KLF12: variants seen among roughly 807,000 people sequenced by gnomAD.
KLF12 encodes Krueppel-like factor 12.
KLF12 carries 9 observed loss-of-function variants against 37.8 expected under a neutral mutation model. The ratio of observed to expected loss-of-function variants is 0.24; its 90% confidence interval spans 0.14 to 0.42. KLF12 has a LOEUF of 0.42. Ranked by LOEUF, KLF12 falls within the 10% of genes least tolerant of loss-of-function variation. The probability of loss-of-function intolerance (pLI) is 1.00; values close to 1 mark genes in which losing one functional copy is unlikely to be tolerated. For synonymous variants in KLF12, 208 were observed against 202.1 expected, an observed-to-expected ratio of 1.03 and a Z score of -0.25; for missense variants, 411 against 516.0, an observed-to-expected ratio of 0.80 and a Z score of 1.97.
At chr13:73,920,000 T>A (rs1314836852) in intron 3 of KLF12, among the ~76,000 whole-genome samples, 1 of 152,166 alleles carries the variant, frequency 6.6e-6, no homozygotes, top group African/African-American at 2.4e-5. Context: ...CTGAGAGAAT[T>A]TGCTGTCGGG....
At chr13:74,062,878 T>C (rs951313385) in intron 1 of KLF12, among the ~76,000 whole-genome samples, 1 of 152,226 alleles carries the variant, frequency 6.6e-6, no homozygotes, top group Non-Finnish European at 1.5e-5. Context: ...GTTGGATGGT[T>C]GGTCCCTTGA....
chr13:73,807,908 C>T lies in KLF12; in HGVS notation c.806+5244G>A, dbSNP rs74098409. 1.9e-3 allele frequency among the ~76,000 whole-genome samples: 285 copies of T among 152,108 alleles called. 3 individuals carry two copies. Among genetic ancestry groups the T allele is most frequent in the African/African-American group, 6.3e-3 (263 of 41,498 alleles). On this transcript the variant is annotated intron_variant, in intron 5 of 7. Transcript: ENST00000377669. ...TGCTCCCTTTCAGATGTTATTAGGT[C>T]GAGTTTGGTGGAACTTGATTCTTCT...
At chr13:73,879,427 T>C (rs1886874396) in intron 3 of KLF12, among the ~76,000 whole-genome samples, 1 of 152,114 alleles carries the variant, frequency 6.6e-6, no homozygotes, top group African/African-American at 2.4e-5. Flanking sequence ...AAAGAAAACA[T>C]AACAAAAGGT....
the KLF12 span, among the ~76,000 whole-genome samples, chr13:74,263,475 T>A: frequency 6.6e-6 from 1 of 152,206 alleles, no homozygotes; most frequent in Non-Finnish European, 1.5e-5. Flanking sequence ...ATTTGTCAGC[T>A]CACGTTTGAC....
In KLF12 at chr13:73,846,330, A is replaced by T; in HGVS notation, c.167T>A (p.Leu56Gln). Residue 56 changes from leucine (L) to glutamine (Q), a missense_variant, in exon 4 of 8, where the codon CTG becomes CAG. By Grantham distance (113) the Leu-to-Gln change is moderately radical. Coordinates refer to ENST00000377669, the MANE Select transcript of KLF12 (RefSeq NM_007249.5). ...CTCCCCTTTCACATTATTTAGCAAC[A>T]GGGGAACGGCTTCCATATCGGGATA... 6.2e-7 allele frequency: 1 copy of T among 1,613,864 alleles called. No individual in the cohort carries two copies.
chr13:74,083,481 T>TGGGCGAGA (rs1875051685), intron 1 of KLF12, among the ~76,000 whole-genome samples: 1 of 143,986 alleles, frequency 6.9e-6, no homozygotes, highest in African/African-American at 2.7e-5. Context: ...CACTCCAGCC[T>TGGGCGAGA]GGGCGATAGG....
chr13:74,245,656 A>G, the KLF12 span, among the ~76,000 whole-genome samples: 1,125 of 152,302 alleles, frequency 7.4e-3, 4 homozygotes, highest in Non-Finnish European at 0.014. Context: ...AGTTCTTACC[A>G]TATTTTATTG....
chr13:74,003,315 A>G (rs1191585562), intron 1 of KLF12, among the ~76,000 whole-genome samples: 2 of 152,194 alleles, frequency 1.3e-5, no homozygotes, highest in Non-Finnish European at 2.9e-5. Flanking sequence ...TTAAGTCTGA[A>G]TTTGAGAATA....
At chr13:73,774,354 G>A (rs994020125) in intron 5 of KLF12, among the ~76,000 whole-genome samples, 1 of 150,798 alleles carries the variant, frequency 6.6e-6, no homozygotes, top group African/African-American at 2.4e-5. Context: ...AGTACAAAAT[G>A]TAAGAGAAGG....
At position 73,765,015 on chromosome 13, in the gene KLF12, G is replaced by T. The variant is rs201913294; in HGVS notation, c.807-15C>A. The stretch of plus-strand genomic sequence containing the variant: ...ACGGATGTACCCTGTAGACAGAGAA[G>T]AATAATCCAGTCATTGAAAAAGCAT... On this transcript the variant is annotated splice_polypyrimidine_tract_variant and intron_variant, in intron 5 of 7. Transcript: ENST00000377669. 5.9e-4 allele frequency: 853 copies of T among 1,456,368 alleles called. 1 individual carries two copies. The highest frequency in any genetic ancestry group is 3.8e-3 in the African/African-American group (268 of 71,064). 90.2% of individuals were successfully genotyped at this position (1,456,368 alleles called of 1,614,324 possible).
intron 7 of KLF12, among the ~76,000 whole-genome samples, chr13:73,696,369 G>A (rs1037514865): frequency 1.3e-5 from 2 of 152,172 alleles, no homozygotes; most frequent in African/African-American, 4.8e-5. Flanking sequence ...GAGAAAAGCT[G>A]TCTGAAGAAG....
At chr13:74,141,483 A>G in the KLF12 span, among the ~76,000 whole-genome samples, 2 of 152,236 alleles carry the variant, frequency 1.3e-5, no homozygotes, top group Non-Finnish European at 2.9e-5. Flanking sequence ...GCTTTCATCT[A>G]CAAACAATGG....
At chr13:73,770,755 T>C (rs373914894) in intron 5 of KLF12, among the ~76,000 whole-genome samples, 12 of 152,086 alleles carry the variant, frequency 7.9e-5, no homozygotes, top group Admixed American at 2.0e-4. Flanking sequence ...ACTCCTGAAC[T>C]CAAATGATCC....
intron 1 of KLF12, among the ~76,000 whole-genome samples, chr13:74,117,615 TG>T (rs1877383231): frequency 6.6e-6 from 1 of 152,164 alleles, no homozygotes; most frequent in Non-Finnish European, 1.5e-5. Context: ...TAGAGAAGCT[TG>T]GCAAATACCA....
At chr13:74,088,512 G>A (rs974208636) in intron 1 of KLF12, among the ~76,000 whole-genome samples, 2 of 152,142 alleles carry the variant, frequency 1.3e-5, no homozygotes, top group Non-Finnish European at 2.9e-5. Context: ...GCAGGCATAA[G>A]CCACCGTGCC....
At chr13:73,738,288 G>A (rs1434019079) in intron 6 of KLF12, among the ~76,000 whole-genome samples, 2 of 146,264 alleles carry the variant, frequency 1.4e-5, no homozygotes, top group East Asian at 2.0e-4. Context: ...GGGATTACAG[G>A]TGCCCACCAC....
intron 6 of KLF12, among the ~76,000 whole-genome samples, chr13:73,730,897 A>G (rs1877008304): frequency 6.6e-6 from 1 of 152,132 alleles, no homozygotes; most frequent in African/African-American, 2.4e-5. Context: ...AAGAAGTTCA[A>G]TGTGTAGGTC....
intron 1 of KLF12, among the ~76,000 whole-genome samples, chr13:73,999,086 GGC>G (rs1054441592): frequency 5.9e-5 from 9 of 152,184 alleles, no homozygotes; most frequent in African/African-American, 2.2e-4. Context: ...AGCAAATCAT[GGC>G]TATAGGAAAA....
At chr13:74,264,520 G>A in the KLF12 span, among the ~76,000 whole-genome samples, 3 of 152,180 alleles carry the variant, frequency 2.0e-5, no homozygotes, top group Admixed American at 6.5e-5. Context: ...GGGAGGATTT[G>A]AAGGACTTGA....
Sources: allele counts gnomAD v4.1 joint callset (sites outside exome capture counted in the v4.1 genomes callset), GRCh38; gene constraint gnomAD v4.1.1; transcripts MANE v1.5; gene names NCBI Gene and HGNC (gene_info 2026-07-23, HGNC 2026-07-21).